The following HS3ST4 variants were observed in gnomAD, a reference collection of about 807,000 sequenced individuals.
HS3ST4 encodes the protein heparan sulfate-glucosamine 3-sulfotransferase 4, also known as heparan sulfate glucosamine 3-O-sulfotransferase 4.
Under a neutral mutation model 29.2 loss-of-function variants are expected in HS3ST4, and 17 were observed. The ratio of observed to expected loss-of-function variants is 0.58; its 90% CI spans 0.40 to 0.87. HS3ST4 has a LOEUF of 0.87. Among genes scored for constraint, HS3ST4 ranks in the 40% least tolerant of loss-of-function variants. The probability of loss-of-function intolerance (pLI) is 0.00; values close to 1 mark genes in which losing one functional copy is unlikely to be tolerated. For synonymous variants in HS3ST4, 314 were observed against 285.7 expected (o/e 1.10, Z -1.00); for missense variants, 627 against 634.5 (o/e 0.99, Z 0.13).
intron 1 of HS3ST4, among the ~76,000 whole-genome samples, chr16:25,737,578 T>C (rs969850213): frequency 6.6e-6 from 1 of 152,062 alleles, no homozygotes; most frequent in Admixed American, 6.5e-5. Flanking sequence ...TGATAAATAT[T>C]GGAGGCTTCG....
intron 1 of HS3ST4, among the ~76,000 whole-genome samples, chr16:25,751,952 T>C (rs1355178155): frequency 6.6e-6 from 1 of 152,182 alleles, no homozygotes; most frequent in Non-Finnish European, 1.5e-5. Flanking sequence ...CTGCTGTGTT[T>C]CTGTGACTAG....
intron 1 of HS3ST4, among the ~76,000 whole-genome samples, chr16:26,094,487 A>G (rs1357956530): frequency 6.6e-6 from 1 of 152,224 alleles, no homozygotes; most frequent in East Asian, 1.9e-4. Context: ...AGAATTTTCA[A>G]CCCAGAATTT....
At chr16:25,951,106 G>T (rs1339268278) in intron 1 of HS3ST4, among the ~76,000 whole-genome samples, 1 of 152,180 alleles carries the variant, frequency 6.6e-6, no homozygotes, top group Non-Finnish European at 1.5e-5. Context: ...CCTGCTGCTA[G>T]GTCATAGGCC....
intron 1 of HS3ST4, among the ~76,000 whole-genome samples, chr16:26,003,038 G>T (rs544622217): frequency 6.6e-6 from 1 of 151,988 alleles, no homozygotes; most frequent in South Asian, 2.1e-4. Flanking sequence ...GACACGCTTG[G>T]CAGGTTCCCA....
chr16:26,114,574 A>T (rs1285203955), intron 1 of HS3ST4, among the ~76,000 whole-genome samples: 1 of 152,156 alleles, frequency 6.6e-6, no homozygotes, highest in African/African-American at 2.4e-5. Flanking sequence ...ATATGGTGTG[A>T]CGGGTCAATA....
At chr16:25,760,500 C>A (rs150508574) in intron 1 of HS3ST4, among the ~76,000 whole-genome samples, 96 of 150,364 alleles carry the variant, frequency 6.4e-4, no homozygotes, top group African/African-American at 2.3e-3. Flanking sequence ...CTCACTGCAA[C>A]CTCCACCTCC....
At chr16:25,805,376 ATC>A (rs1229875323) in intron 1 of HS3ST4, among the ~76,000 whole-genome samples, 1 of 152,224 alleles carries the variant, frequency 6.6e-6, no homozygotes, top group Non-Finnish European at 1.5e-5. Context: ...TTTCGAAGGC[ATC>A]TTATCTGAAT....
rs369141758 is a variant in HS3ST4, at chr16:25,693,138, T to C, written c.721T>C (p.Leu241=). The C allele has an allele frequency of 5.6e-6, 9 of 1,605,854 alleles. No individual in the cohort carries two copies. Among genetic ancestry groups the C allele is most frequent in the Non-Finnish European group, 6.8e-6 (8 of 1,176,566 alleles). The change falls in exon 1 of 2, where the codon TTG becomes CTG. Residue 241 remains leucine, a synonymous_variant. Coordinates refer to ENST00000331351, the MANE Select transcript of HS3ST4 (RefSeq NM_006040.3). ...CTTCGACAGGAACTACGAAAAGGGG[T>C]TGGAGTGGTACAGGTAGGACCCTGG... ...HFFDRNYEKG[L]EWYRNVMPKT... is the part of the protein sequence containing the mutation.
intron 1 of HS3ST4, among the ~76,000 whole-genome samples, chr16:26,115,266 T>TACACAC (rs140596443): frequency 3.4e-5 from 5 of 148,486 alleles, no homozygotes; most frequent in African/African-American, 1.0e-4. Context: ...TACATATATA[T>TACACAC]ACACACACAC....
intron 1 of HS3ST4, among the ~76,000 whole-genome samples, chr16:25,828,174 CTCTCTT>C (rs1175373604): frequency 7.2e-6 from 1 of 138,594 alleles, no homozygotes; most frequent in African/African-American, 2.6e-5. Context: ...TCCTTTCTCT[CTCTCTT>C]TCTCTTTCTT....
intron 1 of HS3ST4, among the ~76,000 whole-genome samples, chr16:25,749,356 G>C (rs970612659): frequency 1.3e-5 from 2 of 152,058 alleles, no homozygotes; most frequent in Admixed American, 6.6e-5. Context: ...TTAGCTGGGC[G>C]TGGTGACATG....
intron 1 of HS3ST4, among the ~76,000 whole-genome samples, chr16:25,943,951 A>G (rs1022751464): frequency 6.6e-6 from 1 of 152,134 alleles, no homozygotes; most frequent in African/African-American, 2.4e-5. Flanking sequence ...AATCGCTTTC[A>G]GATGATTTAT....
chr16:25,759,037 G>A (rs1449730520), intron 1 of HS3ST4, among the ~76,000 whole-genome samples: 2 of 152,068 alleles, frequency 1.3e-5, no homozygotes, highest in Admixed American at 6.5e-5. Context: ...TGTTTGATGT[G>A]GATGATCTAA....
intron 1 of HS3ST4, among the ~76,000 whole-genome samples, chr16:25,723,307 G>A (rs1433816566): frequency 6.6e-6 from 1 of 152,166 alleles, no homozygotes; most frequent in African/African-American, 2.4e-5. Context: ...TAGAATATAT[G>A]GACAAGTTAA....
intron 1 of HS3ST4, among the ~76,000 whole-genome samples, chr16:26,039,154 A>G (rs1425940766): frequency 6.6e-6 from 1 of 152,204 alleles, no homozygotes; most frequent in African/African-American, 2.4e-5. Flanking sequence ...CACTTCTATA[A>G]TAATGCTCAC....
chr16:25,873,515 T>C (rs1967789697), intron 1 of HS3ST4, among the ~76,000 whole-genome samples: 1 of 149,092 alleles, frequency 6.7e-6, no homozygotes, highest in Non-Finnish European at 1.5e-5. Flanking sequence ...TCTATCTATC[T>C]ATCTATCTGT....
At chr16:25,939,192 G>A (rs1024162521) in intron 1 of HS3ST4, among the ~76,000 whole-genome samples, 13 of 152,004 alleles carry the variant, frequency 8.6e-5, no homozygotes, top group Non-Finnish European at 1.8e-4. Context: ...TGGACTATTT[G>A]TTGCCCTATA....
intron 1 of HS3ST4, among the ~76,000 whole-genome samples, chr16:25,698,104 A>G (rs1319791983): frequency 6.6e-6 from 1 of 151,440 alleles, no homozygotes; most frequent in Non-Finnish European, 1.5e-5. Context: ...TATTTGAAAA[A>G]ATTTTTTTAA....
chr16:26,028,272 CAAAAAAAA>C (rs57920476), intron 1 of HS3ST4, among the ~76,000 whole-genome samples: 747 of 48,632 alleles, frequency 0.015, 9 homozygotes, highest in African/African-American at 0.047. Flanking sequence ...GACACCGTCT[CAAAAAAAA>C]AAAAAAAAAA....
Sources: allele counts gnomAD v4.1 joint callset (sites outside exome capture counted in the v4.1 genomes callset), GRCh38; gene constraint gnomAD v4.1.1; transcripts MANE v1.5; gene names NCBI Gene and HGNC (gene_info 2026-07-23, HGNC 2026-07-21).